KCNN2: variants seen among roughly 807,000 people sequenced by gnomAD.
KCNN2 encodes the protein small conductance calcium-activated potassium channel protein 2.
A neutral mutation model predicts 55.5 loss-of-function variants in KCNN2; 24 were observed. The observed-to-expected ratio is 0.43, with a 90% confidence interval of 0.31 to 0.61. The LOEUF is 0.61. KCNN2 is among the 20% of genes least tolerant of loss of function. The pLI is 0.08. For missense variants in KCNN2, 754 were observed against 853.6 expected, an observed-to-expected ratio of 0.88 and a Z score of 1.45; for synonymous variants, 431 against 336.1, an observed-to-expected ratio of 1.28 and a Z score of -3.09.
At chr5:114,161,252 C>T (rs187088768) in intron 1 of KCNN2, among the ~76,000 whole-genome samples, 348 of 152,202 alleles carry the variant, frequency 2.3e-3, no homozygotes, top group Non-Finnish European at 3.7e-3. Context: ...ATTTCTGCTT[C>T]ACTTATGAAG....
Position 114,161,325 on chromosome 5 carries a change from T to C in KCNN2, c.-270-60155T>C, listed in dbSNP as rs573029024. ...TCTTTTCTTTAAGAATGTTGAATAT[T>C]GGCCCCCACTCTCTCCTGGCTTGTA... is the stretch of plus-strand genomic sequence containing the variant. On this transcript the variant is annotated intron_variant, in intron 1 of 10. Transcript: ENST00000512097. Among the ~76,000 whole-genome samples the C allele has an allele frequency of 1.5e-3, 226 of 148,594 alleles. 1 individual carries two copies. The highest frequency in any genetic ancestry group is 5.4e-3 in the African/African-American group (219 of 40,436).
rs1231843420 is a variant in KCNN2 at position 114,362,970 on chromosome 5, G to T, written c.831G>T (p.Glu277Asp). ...CCGCTGTTTCGTCCTCAGCCCCCGA[G>T]ATCGTGGTGTCTAAGCCCGAGCACA... is the stretch of plus-strand genomic sequence containing the variant. ...AAAAVSSSAP[E>D]IVVSKPEHNN... The change falls in exon 1 of 8, where the codon GAG (glutamate) becomes GAT (aspartate). Residue 277 changes from glutamate (E) to aspartate (D), a missense_variant. Glu to Asp is a conservative substitution (Grantham distance 45, BLOSUM62 2). Transcript: ENST00000673685. 6.9e-6 allele frequency: 11 copies of T among 1,589,388 alleles called. No homozygotes were observed. In the African/African-American group the frequency reaches 8.0e-5, roughly 12 times the overall value.
chr5:114,279,169 C>T (rs1002854743), intron 2 of KCNN2, among the ~76,000 whole-genome samples: 3 of 151,934 alleles, frequency 2.0e-5, no homozygotes, highest in African/African-American at 7.3e-5. Context: ...TAGAGTCATC[C>T]TTTCTTCTCT....
At chr5:114,294,062 G>T (rs904358417) in intron 2 of KCNN2, among the ~76,000 whole-genome samples, 1 of 151,910 alleles carries the variant, frequency 6.6e-6, no homozygotes, top group African/African-American at 2.4e-5. Context: ...TTTTCATTGC[G>T]TCTATTTGAT....
chr5:114,299,792 A>G (rs990670360), intron 2 of KCNN2, among the ~76,000 whole-genome samples: 1 of 152,120 alleles, frequency 6.6e-6, no homozygotes, highest in East Asian at 1.9e-4. Flanking sequence ...TGCTCCTTTG[A>G]GGAGGCCATG....
intron 1 of KCNN2, among the ~76,000 whole-genome samples, chr5:114,164,776 A>G (rs569452418): frequency 1.6e-3 from 243 of 152,278 alleles, no homozygotes; most frequent in Middle Eastern, 3.4e-3. Flanking sequence ...CTTTTTTATT[A>G]AGCAGTATAG....
At chr5:114,059,502 A>C (rs1750282192) in intron 1 of KCNN2, among the ~76,000 whole-genome samples, 1 of 152,216 alleles carries the variant, frequency 6.6e-6, no homozygotes, top group South Asian at 2.1e-4. Context: ...CAGAGAAATT[A>C]TGTGTTTTTT....
At chr5:114,330,039 C>A (rs924897494) in intron 2 of KCNN2, among the ~76,000 whole-genome samples, 1 of 152,052 alleles carries the variant, frequency 6.6e-6, no homozygotes, top group Middle Eastern at 3.2e-3. Context: ...TTGAGCCTGG[C>A]TCTCTTAGAC....
chr5:114,487,142 A>G lies in KCNN2; in HGVS notation c.1983A>G (p.Arg661=), dbSNP rs1747596840. Residue 661 remains arginine (R), a synonymous_variant, in exon 6 of 8, where the codon AGA becomes AGG. Coordinates refer to ENST00000673685, the MANE Select transcript of KCNN2 (RefSeq NM_021614.4). ...AAAAGATAGATCATGCAAAAGTAAG[A>G]AAACATCAACGAAAATTCCTGCAAG... ...LVKKIDHAKV[R]KHQRKFLQAI... The G allele has an allele frequency of 1.2e-6, 2 of 1,612,972 alleles. No individual in the cohort carries two copies. Among genetic ancestry groups the G allele is most frequent in the East Asian group, 2.2e-5 (1 of 44,760 alleles).
intron 2 of KCNN2, among the ~76,000 whole-genome samples, chr5:114,306,709 T>C (rs1173502101): frequency 2.0e-5 from 3 of 148,342 alleles, no homozygotes; most frequent in Non-Finnish European, 3.0e-5. Context: ...TCTTTTTTTT[T>C]TTTTTTTTTG....
At chr5:114,253,471 T>C (rs780208383) in intron 2 of KCNN2, 3 of 152,284 alleles carry the variant, frequency 2.0e-5, no homozygotes, top group Non-Finnish European at 4.4e-5. Flanking sequence ...TTTCCTCATT[T>C]GTTAGGAAAC....
chr5:114,370,475 G>T (rs948598764), intron 2 of KCNN2, among the ~76,000 whole-genome samples: 2 of 152,064 alleles, frequency 1.3e-5, no homozygotes, highest in Admixed American at 1.3e-4. Flanking sequence ...AAAATTTTTG[G>T]AAGTTGTGAT....
intron 5 of KCNN2, among the ~76,000 whole-genome samples, chr5:114,480,239 C>A (rs1050369810): frequency 6.6e-6 from 1 of 152,080 alleles, no homozygotes. Context: ...CACCTCTATG[C>A]ATATAAACTA....
In KCNN2 at chr5:114,151,825, C is replaced by G. The variant is rs183408681; in HGVS notation, c.-270-69655C>G. ...AGAAAAAAAAAATCTCTCCATGGTA[C>G]TATAGGGAAAGTGCTTTCTCTTTAT... On this transcript the variant is annotated intron_variant, in intron 1 of 10. Transcript: ENST00000512097. Among the ~76,000 whole-genome samples, 322 of 152,070 alleles carry G rather than the reference C, an allele frequency of 2.1e-3. 1 individual carries two copies. The highest frequency in any genetic ancestry group is 7.2e-3 in the African/African-American group (298 of 41,456).
At chr5:114,148,882 G>A (rs533122722) in intron 1 of KCNN2, among the ~76,000 whole-genome samples, 58 of 152,144 alleles carry the variant, frequency 3.8e-4, no homozygotes, top group Middle Eastern at 3.4e-3. Flanking sequence ...CTCACCATCC[G>A]TGTTAACTTG....
chr5:114,238,833 G>C (rs1462530889), intron 2 of KCNN2, among the ~76,000 whole-genome samples: 1 of 152,028 alleles, frequency 6.6e-6, no homozygotes, highest in African/African-American at 2.4e-5. Context: ...ATGAAGCATG[G>C]ACCTATTTTT....
intron 2 of KCNN2, among the ~76,000 whole-genome samples, chr5:114,339,224 C>T (rs1203969083): frequency 6.6e-6 from 1 of 152,226 alleles, no homozygotes; most frequent in African/African-American, 2.4e-5. Context: ...TGGCCCTCTA[C>T]TACCATGTTC....
intron 1 of KCNN2, among the ~76,000 whole-genome samples, chr5:114,105,879 T>C (rs758114147): frequency 6.6e-6 from 1 of 151,998 alleles, no homozygotes; most frequent in East Asian, 1.9e-4. Context: ...TTTCCATCAA[T>C]ATTATCATTT....
chr5:114,217,675 T>G (rs552898187), intron 1 of KCNN2, among the ~76,000 whole-genome samples: 1 of 152,278 alleles, frequency 6.6e-6, no homozygotes, highest in African/African-American at 2.4e-5. Flanking sequence ...GACAAATCTT[T>G]TATGACCTTG....
Sources: gnomAD v4.1 joint callset for allele counts (sites outside exome capture counted in the v4.1 genomes callset) on GRCh38, gnomAD v4.1.1 for gene constraint, MANE v1.5 for transcripts, NCBI Gene and HGNC (gene_info 2026-07-23, HGNC 2026-07-21) for gene names.